Variants in CFAP54 observed in about 807,000 individuals in gnomAD.
CFAP54 encodes the protein cilia and flagella associated protein 54, also known as cilia- and flagella-associated protein 54.
In CFAP54, 290 loss-of-function variants were observed where a neutral mutation model predicts 370.4. The ratio of observed to expected loss-of-function variants is 0.78; its 90% CI spans 0.71 to 0.86. The LOEUF is 0.86. CFAP54 is among the 40% of genes least tolerant of loss of function. The probability of loss-of-function intolerance (pLI) is 0.00; values close to 1 mark genes in which losing one functional copy is unlikely to be tolerated. For missense variants in CFAP54, 3,399 were observed against 3,528.7 expected, an observed-to-expected ratio of 0.96 and a Z score of 0.93; for synonymous variants, 1,206 against 1,236.5, an observed-to-expected ratio of 0.98 and a Z score of 0.52.
chr12:96,628,673 C>A (rs1458726164), intron 30 of CFAP54, among the ~76,000 whole-genome samples: 1 of 152,122 alleles, frequency 6.6e-6, no homozygotes, highest in Non-Finnish European at 1.5e-5. Context: ...CTGGGTGATT[C>A]TTAGGATTGT....
intron 67 of CFAP54, among the ~76,000 whole-genome samples, chr12:96,865,875 T>A (rs780557967): frequency 1.6e-4 from 25 of 152,112 alleles, no homozygotes; most frequent in Non-Finnish European, 3.2e-4. Flanking sequence ...TGTTAAACTA[T>A]ATACATATGC....
chr12:96,860,037 A>G (rs934644500), intron 66 of CFAP54, among the ~76,000 whole-genome samples: 2 of 152,104 alleles, frequency 1.3e-5, no homozygotes, highest in Admixed American at 1.3e-4. Context: ...TCCAAATACA[A>G]TATTCACATT....
At chr12:96,624,166 A>G (rs1956528215) in intron 28 of CFAP54, among the ~76,000 whole-genome samples, 1 of 152,150 alleles carries the variant, frequency 6.6e-6, no homozygotes, top group Admixed American at 6.5e-5. Flanking sequence ...CAACCTCGAC[A>G]CTATCAGCAT....
At chr12:96,503,756 A>G (rs1955058759) in intron 2 of CFAP54, 130 bp from the exon 3 acceptor site, 1 of 792,222 alleles carries the variant, frequency 1.3e-6, no homozygotes, top group African/African-American at 1.8e-5. Context: ...TTTTTGGAAA[A>G]TGGAGCCAGT....
At chr12:96,646,951 A>G (rs867869077) in intron 33 of CFAP54, 3 of 152,106 alleles carry the variant, frequency 2.0e-5, no homozygotes, top group African/African-American at 7.2e-5. Context: ...GGGGCCTGTT[A>G]TGGGGTGGTG....
chr12:96,871,418 C>T (rs1960162772), intron 67 of CFAP54, among the ~76,000 whole-genome samples: 1 of 152,172 alleles, frequency 6.6e-6, no homozygotes, highest in Admixed American at 6.5e-5. Flanking sequence ...CCCATCAAAC[C>T]TCCATAAGAT....
At position 96,753,658 on chromosome 12, in the gene CFAP54, T is replaced by G. The variant is rs916946675; in HGVS notation, c.7685-85T>G. 10 of 1,307,130 alleles carry G rather than the reference T, an allele frequency of 7.7e-6. No individual in the cohort carries two copies. The African/African-American group carries it at 1.5e-4, about 19-fold the overall frequency. The allele number at this position is 1,307,130 out of a possible 1,614,324, so 81.0% of individuals were successfully genotyped here. ...CAAAGTTCTTGATAGATTTCATTAC[T>G]GTGAGAGCAGTCTGGTAACTTGGAG... On this transcript the variant is annotated intron_variant, in intron 55 of 67. Coordinates refer to ENST00000524981, the MANE Select transcript of CFAP54 (RefSeq NM_001306084.2).
intron 36 of CFAP54, among the ~76,000 whole-genome samples, chr12:96,653,740 A>C (rs1436194393): frequency 6.6e-6 from 1 of 151,974 alleles, no homozygotes; most frequent in African/African-American, 2.4e-5. Context: ...AGAAGAAAGG[A>C]AATAATAAAA....
intron 62 of CFAP54, among the ~76,000 whole-genome samples, chr12:96,788,429 A>G (rs1399421739): frequency 1.3e-5 from 2 of 152,202 alleles, no homozygotes; most frequent in African/African-American, 4.8e-5. Context: ...TCAAAACTAG[A>G]AAAAAATCAC....
intron 50 of CFAP54, among the ~76,000 whole-genome samples, chr12:96,728,660 G>A (rs1412732762): frequency 6.6e-6 from 1 of 152,156 alleles, no homozygotes; most frequent in Non-Finnish European, 1.5e-5. Context: ...ATCATCTGAA[G>A]CCTTCTTCTC....
At chr12:96,581,698 A>G (rs1956034705) in intron 22 of CFAP54, among the ~76,000 whole-genome samples, 1 of 151,910 alleles carries the variant, frequency 6.6e-6, no homozygotes. Context: ...ATACATGCAC[A>G]CACACGTGTA....
At chr12:96,648,884 G>A (rs965954002) in intron 34 of CFAP54, among the ~76,000 whole-genome samples, 41 of 152,030 alleles carry the variant, frequency 2.7e-4, no homozygotes, top group African/African-American at 9.4e-4. Context: ...CACTGCGCCC[G>A]GCCGAAAACA....
At chr12:96,794,634 A>T (rs968978358) in intron 63 of CFAP54, among the ~76,000 whole-genome samples, 1 of 151,896 alleles carries the variant, frequency 6.6e-6, no homozygotes, top group African/African-American at 2.4e-5. Flanking sequence ...AGATTTTTCC[A>T]TCCATATCTT....
At position 96,631,570 on chromosome 12, in the gene CFAP54, A is replaced by AT. The variant is rs527998487; in HGVS notation, c.4316+922dup. ...TTTATTAATTTCACTGCTGAATGGTATTTCATTATATACTAAATATCATAT... is the reference window on the plus strand; with the variant it reads ...TTTATTAATTTCACTGCTGAATGGTATTTTCATTATATACTAAATATCATAT... On this transcript the variant is annotated intron_variant, in intron 32 of 67. Coordinates refer to ENST00000524981, the MANE Select transcript of CFAP54 (RefSeq NM_001306084.2). Among the ~76,000 whole-genome samples, 15 of 151,228 alleles carry AT rather than the reference A, an allele frequency of 9.9e-5. No individual in the cohort carries two copies. In the East Asian group the frequency reaches 2.9e-3, roughly 29 times the overall value.
intron 26 of CFAP54, among the ~76,000 whole-genome samples, chr12:96,603,185 G>A (rs1177976907): frequency 6.6e-6 from 1 of 152,164 alleles, no homozygotes; most frequent in Non-Finnish European, 1.5e-5. Flanking sequence ...TTACTTGTCT[G>A]TAAGGGATTT....
At chr12:96,825,477 TTA>T (rs1199333203) in intron 65 of CFAP54, among the ~76,000 whole-genome samples, 1 of 103,854 alleles carries the variant, frequency 9.6e-6, no homozygotes, top group Non-Finnish European at 1.8e-5. Flanking sequence ...ATTATATATA[TTA>T]TATAACATAT....
chr12:96,631,364 A>G (rs977053318), intron 32 of CFAP54, among the ~76,000 whole-genome samples: 1 of 151,934 alleles, frequency 6.6e-6, no homozygotes, highest in African/African-American at 2.4e-5. Context: ...CCTGGAAATA[A>G]TACTATGCCA....
intron 4 of CFAP54, among the ~76,000 whole-genome samples, chr12:96,509,721 CAGG>C (rs2136356193): frequency 6.6e-6 from 1 of 151,368 alleles, no homozygotes; most frequent in Non-Finnish European, 1.5e-5. Flanking sequence ...GAGGCTGAGG[CAGG>C]AGAATTGCTT....
intron 60 of CFAP54, among the ~76,000 whole-genome samples, chr12:96,769,460 C>CG (rs1438760826): frequency 1.3e-5 from 2 of 152,124 alleles, no homozygotes; most frequent in Non-Finnish European, 2.9e-5. Context: ...AAAGAACGTT[C>CG]GGGGGGCTGT....
Sources: allele counts gnomAD v4.1 joint callset (sites outside exome capture counted in the v4.1 genomes callset), GRCh38; gene constraint gnomAD v4.1.1; transcripts MANE v1.5; gene names NCBI Gene and HGNC (gene_info 2026-07-23, HGNC 2026-07-21).